Variants in LRRC37A2 observed in about 807,000 individuals in gnomAD.
LRRC37A2 encodes leucine rich repeat containing 37 member A2.
In LRRC37A2, 9 loss-of-function variants were observed where a neutral mutation model predicts 68.8. That is an observed-to-expected ratio of 0.13 (90% CI 0.08 to 0.23). The LOEUF is 0.23. Ranked by LOEUF, LRRC37A2 falls within the 10% of genes least tolerant of loss-of-function variation. The pLI is 1.00. For synonymous variants in LRRC37A2, 63 were observed against 367.6 expected (o/e 0.17, Z 9.48); for missense variants, 168 against 950.4 (o/e 0.18, Z 10.82).
chr17:46,789,255 C>T, the LRRC37A2 span, among the ~76,000 whole-genome samples: 1 of 152,218 alleles, frequency 6.6e-6, no homozygotes, highest in Non-Finnish European at 1.5e-5. Flanking sequence ...GGGCTGGCAC[C>T]TACCTGGACT....
chr17:46,929,687 C>A, the LRRC37A2 span: 2 of 724,854 alleles, frequency 2.8e-6, no homozygotes, highest in East Asian at 2.6e-5. Context: ...AATGATTCAG[C>A]GTGGAATGAG....
chr17:46,929,106 G>A, the LRRC37A2 span, among the ~76,000 whole-genome samples: 1 of 152,112 alleles, frequency 6.6e-6, no homozygotes, highest in African/African-American at 2.4e-5. Context: ...ACTCTTCCTG[G>A]TACAGGCCAG....
chr17:47,000,167 C>G, the LRRC37A2 span, among the ~76,000 whole-genome samples: 32 of 148,574 alleles, frequency 2.2e-4, no homozygotes, highest in African/African-American at 6.8e-4. Context: ...GCTCCCTGCA[C>G]AGAGTGTTCG....
chr17:46,499,776 G>T, the LRRC37A2 span, among the ~76,000 whole-genome samples: 2 of 44,674 alleles, frequency 4.5e-5, no homozygotes, highest in African/African-American at 1.8e-4. Context: ...GCAAAGTAAG[G>T]CAATTTCTGT....
chr17:46,866,072 A>G, the LRRC37A2 span, among the ~76,000 whole-genome samples: 1 of 152,206 alleles, frequency 6.6e-6, no homozygotes, highest in Admixed American at 6.5e-5. Context: ...GCAGGACGTC[A>G]TGGAGGAGGT....
At chr17:46,872,738 G>A in the LRRC37A2 span, 2 of 1,601,366 alleles carry the variant, frequency 1.2e-6, no homozygotes, top group South Asian at 1.1e-5. Flanking sequence ...CGCTGGAACT[G>A]TAGCCTGGAG....
the LRRC37A2 span, among the ~76,000 whole-genome samples, chr17:46,853,794 C>T: frequency 1.1e-4 from 17 of 152,066 alleles, no homozygotes; most frequent in African/African-American, 4.1e-4. Context: ...CTCATTTCCA[C>T]GATTCATTTG....
At chr17:46,895,495 A>G in the LRRC37A2 span, among the ~76,000 whole-genome samples, 9 of 152,216 alleles carry the variant, frequency 5.9e-5, no homozygotes, top group East Asian at 1.7e-3. Context: ...GAAGATTGAG[A>G]TGATGCAGTG....
chr17:46,792,428 C>G, the LRRC37A2 span, among the ~76,000 whole-genome samples: 1 of 152,182 alleles, frequency 6.6e-6, no homozygotes. Context: ...CAACTCTGCT[C>G]TAAGTAAGGT....
At chr17:46,734,040 A>G in the LRRC37A2 span, among the ~76,000 whole-genome samples, 1 of 152,188 alleles carries the variant, frequency 6.6e-6, no homozygotes, top group Admixed American at 6.5e-5. Context: ...TTTGTTTTTA[A>G]CATCAGCAGT....
At chr17:46,798,538 C>A in the LRRC37A2 span, among the ~76,000 whole-genome samples, 2 of 152,116 alleles carry the variant, frequency 1.3e-5, no homozygotes, top group African/African-American at 2.4e-5. Context: ...TCTTCTTCAC[C>A]CTGAATTCCT....
At chr17:46,945,202 C>T in the LRRC37A2 span, among the ~76,000 whole-genome samples, 1 of 152,196 alleles carries the variant, frequency 6.6e-6, no homozygotes. Context: ...GCCCTGGCTG[C>T]TGTGGGCTCT....
chr17:46,720,140 A>G, the LRRC37A2 span, among the ~76,000 whole-genome samples: 1 of 152,232 alleles, frequency 6.6e-6, no homozygotes, highest in Admixed American at 6.5e-5. Flanking sequence ...TTACTAAGCA[A>G]CAGAATTTGG....
the LRRC37A2 span, chr17:46,726,664 A>G: frequency 6.8e-7 from 1 of 1,478,474 alleles, no homozygotes; most frequent in Non-Finnish European, 9.5e-7. Context: ...ATTACAGCTA[A>G]TATCTCAAAA....
chr17:46,966,883 A>G, the LRRC37A2 span: 1 of 403,296 alleles, frequency 2.5e-6, no homozygotes, highest in African/African-American at 2.1e-5. Flanking sequence ...CCATTATGCT[A>G]ATTAGCACCT....
chr17:46,992,784 T>TA, the LRRC37A2 span, among the ~76,000 whole-genome samples: 1 of 133,128 alleles, frequency 7.5e-6, no homozygotes, highest in Non-Finnish European at 1.5e-5. Context: ...ACCTGGGAGA[T>TA]AGAGTTTGCA....
the LRRC37A2 span, among the ~76,000 whole-genome samples, chr17:46,920,921 G>A: frequency 6.6e-6 from 1 of 151,996 alleles, no homozygotes. Flanking sequence ...ATATCCCCAT[G>A]ATAAAGGAAG....
At chr17:47,019,227 G>A in the LRRC37A2 span, 1 of 1,508,770 alleles carries the variant, frequency 6.6e-7, no homozygotes, top group East Asian at 2.3e-5. Flanking sequence ...ATCCATGACA[G>A]AGGTTGAACC....
chr17:47,012,362 A>G, the LRRC37A2 span, among the ~76,000 whole-genome samples: 1 of 152,316 alleles, frequency 6.6e-6, no homozygotes, highest in Non-Finnish European at 1.5e-5. Flanking sequence ...AAGCACATGC[A>G]ACAAAAGGAA....
Sources: allele counts gnomAD v4.1 joint callset (sites outside exome capture counted in the v4.1 genomes callset), GRCh38; gene constraint gnomAD v4.1.1; transcripts MANE v1.5; gene names NCBI Gene and HGNC (gene_info 2026-07-23, HGNC 2026-07-21).